The following QRICH1 variants were observed in gnomAD, a reference collection of about 807,000 sequenced individuals.
The protein encoded by QRICH1 is glutamine rich 1.
A neutral mutation model predicts 87.1 loss-of-function variants in QRICH1; 16 were observed. That is an observed-to-expected ratio of 0.18 (90% CI 0.12 to 0.28). The LOEUF (loss-of-function observed/expected upper bound fraction) is 0.28, where lower values mean the gene tolerates loss of function less well. Among genes scored for constraint, QRICH1 ranks in the 10% least tolerant of loss-of-function variants. The pLI, the probability that QRICH1 is intolerant of heterozygous loss-of-function variation, is 1.00. For synonymous variants in QRICH1, 367 were observed against 368.4 expected, an observed-to-expected ratio of 1.00 and a Z score of 0.05; for missense variants, 647 against 951.7, an observed-to-expected ratio of 0.68 and a Z score of 4.21.
At chr3:49,039,093 A>ACG (rs2093294178) in intron 6 of QRICH1, among the ~76,000 whole-genome samples, 2 of 152,148 alleles carry the variant, frequency 1.3e-5, no homozygotes, top group Admixed American at 1.3e-4. Flanking sequence ...GCAGTGGCTC[A>ACG]CGCCTATAAT....
In QRICH1 at chr3:49,057,069, C is replaced by T; in HGVS notation, c.1131G>A (p.Gln377=). 6.2e-7 allele frequency: 1 copy of T among 1,614,226 alleles called. No homozygotes were observed. The highest frequency in any genetic ancestry group is 8.5e-7 in the Non-Finnish European group (1 of 1,180,040). Residue 377 remains glutamine, a synonymous_variant, in exon 3 of 10, where the codon CAG becomes CAA. Transcript: ENST00000395443. This position sits in a 1 kb window ranked among gnomAD's most constrained non-coding sequence, Gnocchi z 5.4. ...VVKNSHEEVV[Q]TLANSLFPAQ... ...CTGGAAAGAGAGAGTTTGCAAGGGT[C>T]TGCACTACCTCTTCATGGGAGTTTT...
intron 3 of QRICH1, among the ~76,000 whole-genome samples, 153 bp from the exon 4 acceptor site, chr3:49,047,399 C>T (rs2093344806): frequency 6.6e-6 from 1 of 151,950 alleles, no homozygotes; most frequent in Non-Finnish European, 1.5e-5. Context: ...TGGAGTTCTA[C>T]CTCTTGCCCC....
chr3:49,038,067 A>AT (rs938386726), intron 6 of QRICH1, among the ~76,000 whole-genome samples: 46 of 149,354 alleles, frequency 3.1e-4, no homozygotes, highest in South Asian at 8.5e-4. Flanking sequence ...TAAAGGGTAG[A>AT]TTTTTTTTTT....
At chr3:49,083,224 G>GC (rs1025221172) in intron 1 of QRICH1, 1 of 144,688 alleles carries the variant, frequency 6.9e-6, no homozygotes, top group Non-Finnish European at 1.5e-5. Flanking sequence ...AAAAAAAGGG[G>GC]GGGGGGGAGC....
At chr3:49,078,204 C>A (rs953024588) in intron 1 of QRICH1, among the ~76,000 whole-genome samples, 1 of 152,096 alleles carries the variant, frequency 6.6e-6, no homozygotes, top group Non-Finnish European at 1.5e-5. Context: ...TGACCAGATG[C>A]TCTACCTTAT....
rs143636283 is a variant in QRICH1 at position 49,087,875 on chromosome 3, A to G, written c.-22+6037T>C. On this transcript the variant is annotated intron_variant, in intron 1 of 9. Transcript: ENST00000395443. ...TTCTATGCTTCTTTGAAATAACTCC[A>G]TATGTTTATAAGACAGACATGACTC... Among the ~76,000 whole-genome samples the G allele has an allele frequency of 3.9e-3, 554 of 140,394 alleles. 1 individual carries two copies. The highest frequency in any genetic ancestry group is 0.013 in the African/African-American group (523 of 39,030). The allele number at this position is 140,394 out of a possible 152,430, so 92.1% of individuals were successfully genotyped here. A position where few individuals can be genotyped will look rare whatever the true frequency, so the allele number is the denominator to read the frequency against.
intron 2 of QRICH1, among the ~76,000 whole-genome samples, chr3:49,067,258 G>T (rs1263164538): frequency 6.6e-6 from 1 of 152,056 alleles, no homozygotes; most frequent in Admixed American, 6.6e-5. Flanking sequence ...TTAAAATTAG[G>T]GGAATAAGAG....
chr3:49,084,566 C>T (rs750569770), intron 1 of QRICH1, among the ~76,000 whole-genome samples: 11 of 152,070 alleles, frequency 7.2e-5, no homozygotes, highest in Non-Finnish European at 1.5e-4. Context: ...GATTGTGAGA[C>T]CAGCCTGGCC....
chr3:49,033,984 T>C (rs1467176580), intron 6 of QRICH1, among the ~76,000 whole-genome samples: 1 of 149,380 alleles, frequency 6.7e-6, no homozygotes, highest in African/African-American at 2.5e-5. Context: ...GAGACTCCCA[T>C]CTCAAAAACA....
chr3:49,086,606 C>T (rs757272419), intron 1 of QRICH1, among the ~76,000 whole-genome samples: 2 of 152,204 alleles, frequency 1.3e-5, no homozygotes, highest in Non-Finnish European at 2.9e-5. Flanking sequence ...CAATTCTTCA[C>T]TACATGAGTT....
chr3:49,079,561 T>C (rs2042019429), intron 1 of QRICH1, among the ~76,000 whole-genome samples: 1 of 150,692 alleles, frequency 6.6e-6, no homozygotes, highest in South Asian at 2.1e-4. Context: ...AATTAAGTGG[T>C]CAACGATGTC....
intron 2 of QRICH1, among the ~76,000 whole-genome samples, chr3:49,058,279 T>C (rs2093414991): frequency 6.6e-6 from 1 of 150,908 alleles, no homozygotes; most frequent in Non-Finnish European, 1.5e-5. Context: ...CTTCCTAGAG[T>C]AGCTGGGATT....
intron 6 of QRICH1, among the ~76,000 whole-genome samples, chr3:49,035,265 T>C (rs1310663453): frequency 3.9e-5 from 6 of 152,068 alleles, no homozygotes; most frequent in African/African-American, 1.2e-4. Flanking sequence ...GGAGATGAGG[T>C]CTTGCTATGT....
intron 3 of QRICH1, among the ~76,000 whole-genome samples, chr3:49,051,581 T>TCC (rs2093370467): frequency 1.6e-4 from 2 of 12,620 alleles, no homozygotes; most frequent in Non-Finnish European, 1.3e-4. Context: ...GAACCCCCCC[T>TCC]GCGCCCCCCC....
At chr3:49,058,391 A>C (rs1228971921) in intron 2 of QRICH1, among the ~76,000 whole-genome samples, 1 of 151,858 alleles carries the variant, frequency 6.6e-6, no homozygotes, top group Non-Finnish European at 1.5e-5. Context: ...CAGTGGTGCC[A>C]TCTCAGCTCA....
At chr3:49,058,170 A>G (rs1472686971) in intron 2 of QRICH1, among the ~76,000 whole-genome samples, 1 of 151,786 alleles carries the variant, frequency 6.6e-6, no homozygotes, top group Non-Finnish European at 1.5e-5. Context: ...TTTTTTTTTT[A>G]AGATGGACTC....
At chr3:49,093,306 C>A (rs913407814) in intron 1 of QRICH1, 2 of 152,208 alleles carry the variant, frequency 1.3e-5, no homozygotes, top group Admixed American at 1.3e-4. Flanking sequence ...TCTCGCCCCC[C>A]TCACAGAGGA....
chr3:49,078,809 A>C (rs6446248), intron 1 of QRICH1, among the ~76,000 whole-genome samples: 1 of 145,200 alleles, frequency 6.9e-6, no homozygotes, highest in East Asian at 2.0e-4. Context: ...TTCCTGCCTC[A>C]GCCTCCCGAG....
intron 4 of QRICH1, 76 bp from the exon 5 acceptor site, chr3:49,046,655 T>G: frequency 6.7e-7 from 1 of 1,493,216 alleles, no homozygotes; most frequent in East Asian, 2.3e-5. Context: ...ATACTGCCCA[T>G]CAGGGTGCTG....
Sources: allele counts gnomAD v4.1 joint callset (sites outside exome capture counted in the v4.1 genomes callset), GRCh38; gene constraint gnomAD v4.1.1; non-coding constraint Gnocchi (gnomAD v3.1); transcripts MANE v1.5; gene names NCBI Gene and HGNC (gene_info 2026-07-23, HGNC 2026-07-21).